Variants in PI4K2B observed in about 807,000 individuals in gnomAD.
PI4K2B encodes the protein phosphatidylinositol 4-kinase type 2 beta.
PI4K2B carries 46 observed loss-of-function variants against 56.6 expected under a neutral mutation model. The observed-to-expected ratio is 0.81, with a 90% CI of 0.64 to 1.04. The LOEUF is 1.04. PI4K2B is among the 50% of genes least tolerant of loss of function. The pLI, the probability that PI4K2B is intolerant of heterozygous loss-of-function variation, is 0.00. For missense variants in PI4K2B, 556 were observed against 607.7 expected (o/e 0.91, Z 0.89); for synonymous variants, 211 against 223.8 (o/e 0.94, Z 0.51).
chr4:25,254,598 A>G (rs1716185324), intron 2 of PI4K2B, among the ~76,000 whole-genome samples: 1 of 152,038 alleles, frequency 6.6e-6, no homozygotes, highest in South Asian at 2.1e-4. Context: ...TATTTTTAGT[A>G]GAGATGGGGT....
At chr4:25,267,377 C>G (rs1716704888) in intron 7 of PI4K2B, among the ~76,000 whole-genome samples, 1 of 152,262 alleles carries the variant, frequency 6.6e-6, no homozygotes, top group Non-Finnish European at 1.5e-5. Context: ...GACCTTCCTA[C>G]TGTGTGCAAT....
At chr4:25,244,482 G>A (rs1715675740) in intron 1 of PI4K2B, among the ~76,000 whole-genome samples, 1 of 152,172 alleles carries the variant, frequency 6.6e-6, no homozygotes, top group South Asian at 2.1e-4. Flanking sequence ...AGGTCAAGCT[G>A]CTAGATAGTA....
chr4:25,267,314 A>G (rs1368623623), intron 7 of PI4K2B, among the ~76,000 whole-genome samples: 3 of 152,264 alleles, frequency 2.0e-5, no homozygotes, highest in African/African-American at 7.2e-5. Flanking sequence ...AAAATTGGAC[A>G]TATCTACAAG....
intron 1 of PI4K2B, among the ~76,000 whole-genome samples, chr4:25,244,376 A>G (rs559671510): frequency 6.6e-6 from 1 of 152,286 alleles, no homozygotes; most frequent in South Asian, 2.1e-4. Flanking sequence ...TGTGGGATGT[A>G]AGTTGTAAGC....
intron 1 of PI4K2B, among the ~76,000 whole-genome samples, chr4:25,248,186 A>T (rs1392086298): frequency 6.6e-6 from 1 of 152,184 alleles, no homozygotes; most frequent in Admixed American, 6.5e-5. Flanking sequence ...ACATACTTCA[A>T]TTGTGCTAAA....
chr4:25,235,219 G>A (rs770214679), intron 1 of PI4K2B, among the ~76,000 whole-genome samples: 2 of 152,206 alleles, frequency 1.3e-5, no homozygotes, highest in Non-Finnish European at 2.9e-5. Context: ...CTCAGCTAGA[G>A]GTGAGACAGA....
intron 1 of PI4K2B, among the ~76,000 whole-genome samples, chr4:25,238,629 T>TGA (rs1715372015): frequency 6.6e-6 from 1 of 152,000 alleles, no homozygotes. Context: ...ACCTTCACGG[T>TGA]GAGAGTTATG....
intron 1 of PI4K2B, among the ~76,000 whole-genome samples, chr4:25,240,846 ACTCT>A (rs771252171): frequency 6.9e-6 from 1 of 143,948 alleles, no homozygotes; most frequent in Non-Finnish European, 1.5e-5. Context: ...TTTCTCTTTG[ACTCT>A]CTGTTTCTTC....
At position 25,238,875 on chromosome 4, in the gene PI4K2B, A is replaced by G. The variant is rs972998168; in HGVS notation, c.268+4444A>G. On this transcript the variant is annotated intron_variant, in intron 1 of 9. Transcript: ENST00000264864. ...CTGCTGGTTCGGGCAGCCTGCTTTT[A>G]TTCCCTTATCTGGCCCCACCCACAT... Among the ~76,000 whole-genome samples, 9 of 152,070 alleles carry G rather than the reference A, an allele frequency of 5.9e-5. No individual in the cohort carries two copies. The East Asian group carries it at 9.6e-4, about 16-fold the overall frequency.
chr4:25,235,106 G>A (rs535660075), intron 1 of PI4K2B, among the ~76,000 whole-genome samples: 28 of 152,304 alleles, frequency 1.8e-4, no homozygotes, highest in African/African-American at 6.7e-4. Flanking sequence ...TTAAATTTAG[G>A]TATGCTGTGC....
Position 25,234,255 on chromosome 4 carries a change from C to T in PI4K2B, c.92C>T (p.Pro31Leu). Residue 31 changes from proline to leucine, a missense_variant, in exon 1 of 10, where the codon CCG becomes CTG. Physicochemically the swap from Pro to Leu is moderately conservative, Grantham distance 98. Coordinates refer to ENST00000264864, the MANE Select transcript of PI4K2B (RefSeq NM_018323.4). Reference sequence around the variant, plus strand: ...GATGGGGAGCGGGAGCCGCTGCTACCGCGGATCGCCTGGGCCCACCCGCGG... The same window carrying T: ...GATGGGGAGCGGGAGCCGCTGCTACTGCGGATCGCCTGGGCCCACCCGCGG... ...EEDGEREPLL[P>L]RIAWAHPRRG... 1 of 1,426,130 alleles carries T rather than the reference C, an allele frequency of 7.0e-7. No homozygotes were observed. The highest frequency in any genetic ancestry group is 2.6e-5 in the Admixed American group (1 of 38,764). 88.3% of individuals were successfully genotyped at this position (1,426,130 alleles called of 1,614,324 possible).
intron 1 of PI4K2B, among the ~76,000 whole-genome samples, chr4:25,247,578 G>C (rs2109091440): frequency 6.6e-6 from 1 of 152,330 alleles, no homozygotes; most frequent in Middle Eastern, 3.4e-3. Context: ...TTGAGGCATG[G>C]AGCCATGCCC....
chr4:25,267,575 G>T (rs1307663779), intron 7 of PI4K2B, among the ~76,000 whole-genome samples: 1 of 152,148 alleles, frequency 6.6e-6, no homozygotes, highest in Non-Finnish European at 1.5e-5. Context: ...TCTTCTTCAG[G>T]GCTTTCAAAG....
intron 1 of PI4K2B, among the ~76,000 whole-genome samples, chr4:25,240,085 G>A (rs1715451623): frequency 6.6e-6 from 1 of 152,224 alleles, no homozygotes. Flanking sequence ...AGGGTCCAAA[G>A]GCAAGTAACA....
rs1291536519 is a variant in PI4K2B at position 25,236,175 on chromosome 4, C to T, written c.268+1744C>T. Among the ~76,000 whole-genome samples, 3 of 142,140 alleles carry T rather than the reference C, an allele frequency of 2.1e-5. No homozygotes were observed. In the East Asian group the frequency reaches 6.4e-4, roughly 30 times the overall value. The allele number at this position is 142,140 out of a possible 152,430, so 93.2% of individuals were successfully genotyped here. On this transcript the variant is annotated intron_variant, in intron 1 of 9. Coordinates refer to ENST00000264864, the MANE Select transcript of PI4K2B (RefSeq NM_018323.4). ...TTCTCCACTGCACTCCAGCCTGGTT[C>T]TGTCTTGAGACAGAGCAAGACTCTG... is the stretch of plus-strand genomic sequence containing the variant.
At chr4:25,235,196 G>C (rs1374371464) in intron 1 of PI4K2B, among the ~76,000 whole-genome samples, 1 of 152,164 alleles carries the variant, frequency 6.6e-6, no homozygotes, top group Admixed American at 6.5e-5. Flanking sequence ...AATAGCAAGA[G>C]ACTTGTAAGA....
At chr4:25,258,272 A>G (rs1312408740) in intron 4 of PI4K2B, among the ~76,000 whole-genome samples, 4 of 145,872 alleles carry the variant, frequency 2.7e-5, no homozygotes, top group South Asian at 2.1e-4. Flanking sequence ...CAGTGGTGCA[A>G]TCTTGGCTCA....
At chr4:25,260,739 G>T (rs536156174) in intron 6 of PI4K2B, 148 bp downstream of exon 6, 5 of 254,930 alleles carry the variant, frequency 2.0e-5, no homozygotes, top group Non-Finnish European at 3.8e-5. Flanking sequence ...TTCTGTAAAA[G>T]ATTCCTTTAA....
intron 9 of PI4K2B, among the ~76,000 whole-genome samples, chr4:25,271,630 T>C (rs1282393462): frequency 6.6e-6 from 1 of 152,156 alleles, no homozygotes; most frequent in Non-Finnish European, 1.5e-5. Flanking sequence ...TTGAGCTAAA[T>C]TTTTAGGCAT....
Sources: allele counts gnomAD v4.1 joint callset (sites outside exome capture counted in the v4.1 genomes callset), GRCh38; gene constraint gnomAD v4.1.1; transcripts MANE v1.5; gene names NCBI Gene and HGNC (gene_info 2026-07-23, HGNC 2026-07-21).